Variants in ADAMTS20 observed in about 807,000 individuals in gnomAD.
ADAMTS20 encodes ADAM metallopeptidase with thrombospondin type 1 motif 20, also known as A disintegrin and metalloproteinase with thrombospondin motifs 20.
In ADAMTS20, 225 loss-of-function variants were observed where a neutral mutation model predicts 260.1. The ratio of observed to expected loss-of-function variants is 0.87; its 90% CI spans 0.78 to 0.97. The LOEUF is 0.97. Among genes scored for constraint, ADAMTS20 ranks in the 50% least tolerant of loss-of-function variants. The probability of loss-of-function intolerance (pLI) is 0.00; values close to 1 mark genes in which losing one functional copy is unlikely to be tolerated. For synonymous variants in ADAMTS20, 802 were observed against 769.5 expected (o/e 1.04, Z -0.70); for missense variants, 2,400 against 2,337.7 (o/e 1.03, Z -0.55).
intron 11 of ADAMTS20, 29 bp downstream of exon 11, chr12:43,462,866 T>C (rs750279921): frequency 2.6e-5 from 41 of 1,547,742 alleles, no homozygotes; most frequent in Non-Finnish European, 3.6e-5. Context: ...AATATCTTCA[T>C]ACAAGACTCA....
intron 2 of ADAMTS20, among the ~76,000 whole-genome samples, chr12:43,544,591 G>C (rs1247562762): frequency 6.6e-6 from 1 of 152,152 alleles, no homozygotes; most frequent in African/African-American, 2.4e-5. Context: ...AGGGGAAAAG[G>C]AAGGCAGCTC....
At chr12:43,462,031 C>T (rs1942073691) in intron 11 of ADAMTS20, among the ~76,000 whole-genome samples, 1 of 152,212 alleles carries the variant, frequency 6.6e-6, no homozygotes, top group Non-Finnish European at 1.5e-5. Flanking sequence ...AGGAAACACA[C>T]ACCTTTTGAT....
chr12:43,491,486 C>T (rs1358962787), intron 6 of ADAMTS20, among the ~76,000 whole-genome samples: 1 of 152,062 alleles, frequency 6.6e-6, no homozygotes, highest in Non-Finnish European at 1.5e-5. Flanking sequence ...GCTGAGATTT[C>T]TTTTGAGTTT....
chr12:43,549,700 A>C (rs1424230988), intron 2 of ADAMTS20, among the ~76,000 whole-genome samples: 1 of 152,190 alleles, frequency 6.6e-6, no homozygotes, highest in Non-Finnish European at 1.5e-5. Context: ...TAAATATTAG[A>C]GTGTGATTCT....
chr12:43,353,746 G>A (rs11612738), downstream of ADAMTS20: 5,314 of 152,008 alleles, frequency 0.035, 119 homozygotes, highest in East Asian at 0.087. Flanking sequence ...GCTATTTGTC[G>A]GAAAGATTCA....
intron 37 of ADAMTS20, among the ~76,000 whole-genome samples, chr12:43,363,767 G>C (rs1307823443): frequency 6.6e-6 from 1 of 152,200 alleles, no homozygotes; most frequent in Non-Finnish European, 1.5e-5. Context: ...TGGTAGATAA[G>C]ATTGAAGTTT....
At chr12:43,529,194 C>A (rs992339005) in intron 3 of ADAMTS20, among the ~76,000 whole-genome samples, 3 of 152,110 alleles carry the variant, frequency 2.0e-5, no homozygotes, top group Non-Finnish European at 4.4e-5. Context: ...TGCTGATACA[C>A]TTCTGATGGG....
At chr12:43,467,363 A>T (rs1431182453) in intron 8 of ADAMTS20, among the ~76,000 whole-genome samples, 1 of 152,076 alleles carries the variant, frequency 6.6e-6, no homozygotes, top group Non-Finnish European at 1.5e-5. Context: ...TGACTTAATT[A>T]TTAAGTAATT....
chr12:43,527,826 A>T (rs117992065), intron 3 of ADAMTS20, among the ~76,000 whole-genome samples: 3,612 of 152,258 alleles, frequency 0.024, 67 homozygotes, highest in East Asian at 0.08. Flanking sequence ...TAATACTGGA[A>T]ATCCTAGGCA....
intron 28 of ADAMTS20, among the ~76,000 whole-genome samples, chr12:43,416,666 G>A (rs1186786790): frequency 2.6e-5 from 4 of 151,834 alleles, no homozygotes; most frequent in African/African-American, 9.7e-5. Context: ...GACTACAGGC[G>A]CCCGCCACCA....
At chr12:43,361,434 A>C (rs990271715) in intron 37 of ADAMTS20, among the ~76,000 whole-genome samples, 2 of 152,274 alleles carry the variant, frequency 1.3e-5, no homozygotes, top group Non-Finnish European at 2.9e-5. Context: ...ATGCCCAATA[A>C]CAACCAATTT....
chr12:43,452,624 G>A lies in ADAMTS20; in HGVS notation c.1832C>T (p.Pro611Leu), dbSNP rs1941890092. 3 of 1,613,180 alleles carry A rather than the reference G, an allele frequency of 1.9e-6. No individual in the cohort carries two copies. Among genetic ancestry groups the A allele is most frequent in the Non-Finnish European group, 2.5e-6 (3 of 1,179,640 alleles). The change falls in exon 13 of 39, where the codon CCA becomes CTA. Residue 611 changes from proline (P) to leucine (L), a missense_variant. Physicochemically the swap from Pro to Leu is moderately conservative, Grantham distance 98 (BLOSUM62 -3). Transcript: ENST00000389420. ...CTCTCGAAAGTCTTGTGTGCCTTTT[G>A]GACATGAATCAGTATTACATGATCG... ...KFRSCNTDSC[P>L]KGTQDFREKQ...
At chr12:43,394,060 G>A (rs1940650940) in intron 29 of ADAMTS20, among the ~76,000 whole-genome samples, 2 of 152,072 alleles carry the variant, frequency 1.3e-5, no homozygotes, top group Non-Finnish European at 2.9e-5. Context: ...ATGAAGATGT[G>A]AGGACTGGAA....
intron 37 of ADAMTS20, among the ~76,000 whole-genome samples, chr12:43,362,948 C>T (rs181985423): frequency 6.6e-6 from 1 of 152,126 alleles, no homozygotes; most frequent in East Asian, 1.9e-4. Context: ...GAATGCAGCC[C>T]TGCTGACTGC....
intron 8 of ADAMTS20, 125 bp from the exon 9 acceptor site, chr12:43,466,920 G>T: frequency 1.4e-6 from 1 of 716,352 alleles, no homozygotes; most frequent in South Asian, 2.5e-5. Context: ...ATCATAATTT[G>T]AACTCCATCT....
chr12:43,388,782 A>G (rs10880480), intron 29 of ADAMTS20, among the ~76,000 whole-genome samples: 61,539 of 151,994 alleles, frequency 0.4, 12,570 homozygotes, highest in Middle Eastern at 0.6. Context: ...TACCATAAAC[A>G]GAATGTCTCA....
chr12:43,406,215 A>G (rs1940917059), intron 28 of ADAMTS20, among the ~76,000 whole-genome samples: 1 of 152,156 alleles, frequency 6.6e-6, no homozygotes, highest in Non-Finnish European at 1.5e-5. Context: ...TCTTGGAACA[A>G]TTTGAGAGGA....
chr12:43,537,159 TC>T (rs1943307190), intron 2 of ADAMTS20, among the ~76,000 whole-genome samples: 1 of 152,050 alleles, frequency 6.6e-6, no homozygotes, highest in Non-Finnish European at 1.5e-5. Flanking sequence ...AACCTCCACC[TC>T]CCAGGCTCAA....
intron 29 of ADAMTS20, among the ~76,000 whole-genome samples, chr12:43,394,551 C>A (rs1420931222): frequency 6.6e-6 from 1 of 152,026 alleles, no homozygotes; most frequent in Non-Finnish European, 1.5e-5. Flanking sequence ...CACATTTATG[C>A]AACAGACATT....
Sources: allele counts gnomAD v4.1 joint callset (sites outside exome capture counted in the v4.1 genomes callset), GRCh38; gene constraint gnomAD v4.1.1; transcripts MANE v1.5; gene names NCBI Gene and HGNC (gene_info 2026-07-23, HGNC 2026-07-21).